TNC: variants seen among roughly 807,000 people sequenced by gnomAD.
TNC encodes tenascin.
A neutral mutation model predicts 202.4 loss-of-function variants in TNC; 109 were observed. The observed-to-expected ratio is 0.54, with a 90% CI of 0.46 to 0.63. The LOEUF (loss-of-function observed/expected upper bound fraction) is 0.63, where lower values mean the gene tolerates loss of function less well. Ranked by LOEUF, TNC falls within the 30% of genes least tolerant of loss-of-function variation. The pLI is 0.00. For missense variants in TNC, 2,756 were observed against 2,833.3 expected, an observed-to-expected ratio of 0.97 and a Z score of 0.62; for synonymous variants, 1,007 against 1,089.7, an observed-to-expected ratio of 0.92 and a Z score of 1.50.
chr9:115,025,475 C>A (rs1360054379), intron 26 of TNC, among the ~76,000 whole-genome samples: 3 of 152,162 alleles, frequency 2.0e-5, no homozygotes, highest in Non-Finnish European at 4.4e-5. Flanking sequence ...AAGCTTCTAT[C>A]TCTTCTGCTC....
intron 1 of TNC, among the ~76,000 whole-genome samples, chr9:115,095,660 GTATATATATATGTATATATATGTA>G (rs1835722345): frequency 3.0e-4 from 7 of 23,366 alleles, no homozygotes; most frequent in African/African-American, 8.9e-4. Context: ...GTATATATAT[GTATATATATATGTATATATATGTA>G]TATATATATG....
intron 15 of TNC, among the ~76,000 whole-genome samples, chr9:115,051,656 A>G (rs1344393292): frequency 1.3e-5 from 2 of 151,358 alleles, no homozygotes; most frequent in Non-Finnish European, 2.9e-5. Context: ...CAGTTTTAAG[A>G]ATAATTATTT....
At chr9:115,047,332 C>T (rs985192439) in intron 16 of TNC, among the ~76,000 whole-genome samples, 1 of 148,146 alleles carries the variant, frequency 6.8e-6, no homozygotes, top group African/African-American at 2.5e-5. Flanking sequence ...ACCTTTTGTG[C>T]TACATACTGT....
chr9:115,087,693 C>CTTTTCT (rs1432437779), intron 2 of TNC, among the ~76,000 whole-genome samples: 6 of 49,158 alleles, frequency 1.2e-4, no homozygotes, highest in Non-Finnish European at 1.3e-4. Flanking sequence ...CTATTTCTTT[C>CTTTTCT]TTTTCTTTTT....
At chr9:115,072,008 A>T (rs1023653782) in intron 10 of TNC, among the ~76,000 whole-genome samples, 36 of 152,210 alleles carry the variant, frequency 2.4e-4, no homozygotes, top group Admixed American at 1.8e-3. Context: ...GACCACGTAA[A>T]CTCATTTCAG....
chr9:115,029,590 C>A, intron 24 of TNC, 134 bp from the exon 25 acceptor site: 2 of 859,104 alleles, frequency 2.3e-6, no homozygotes, highest in Non-Finnish European at 1.8e-6. Flanking sequence ...TGCTATGTAA[C>A]TTTGGGTGGT....
intron 22 of TNC, among the ~76,000 whole-genome samples, chr9:115,032,199 A>G (rs1186940920): frequency 6.6e-6 from 1 of 152,228 alleles, no homozygotes; most frequent in Non-Finnish European, 1.5e-5. Flanking sequence ...ATGAAATAAT[A>G]TAAGGAGGCA....
rs144406273 is a variant in TNC, at chr9:115,086,113, C to G, written c.1618G>C (p.Gly540Arg). The G allele has an allele frequency of 1.4e-4, 231 of 1,613,654 alleles. No homozygotes were observed. Among genetic ancestry groups the G allele is most frequent in the Non-Finnish European group, 1.9e-4 (228 of 1,179,756 alleles). ...LSCPNDCHGQ[G>R]RCVNGQCVCH... Reference sequence around the variant, plus strand: ...ACGCACTGCCCATTCACACAGCGACCCTGGCCATGGCAGTCATTTGGACAG... The same window carrying G: ...ACGCACTGCCCATTCACACAGCGACGCTGGCCATGGCAGTCATTTGGACAG... Residue 540 changes from glycine (G) to arginine (R), a missense_variant, in exon 3 of 28, where the codon GGT (glycine) becomes CGT (arginine). Around this residue, in one of 2 missense-constraint regions of TNC, gnomAD observed 2,559 missense variants for 2,546.0 expected, o/e 1.01. Transcript: ENST00000350763.
intron 17 of TNC, among the ~76,000 whole-genome samples, chr9:115,044,262 T>TAA (rs3838332): frequency 1.2e-4 from 17 of 142,744 alleles, no homozygotes; most frequent in Admixed American, 6.3e-4. Context: ...GAGAAAGGAT[T>TAA]AAAAAAAAAA....
chr9:115,089,058 T>A (rs1438801755), intron 2 of TNC, among the ~76,000 whole-genome samples: 2 of 152,220 alleles, frequency 1.3e-5, no homozygotes, highest in African/African-American at 4.8e-5. Flanking sequence ...CTCTAAACAA[T>A]CATTTTAACT....
chr9:115,113,267 T>C (rs986106418), intron 1 of TNC, among the ~76,000 whole-genome samples: 6 of 152,196 alleles, frequency 3.9e-5, no homozygotes, highest in African/African-American at 1.4e-4. Context: ...GAAATGGTTA[T>C]AACTAGCCTC....
intron 1 of TNC, among the ~76,000 whole-genome samples, chr9:115,105,242 G>A (rs1374778191): frequency 6.6e-6 from 1 of 152,196 alleles, no homozygotes; most frequent in Non-Finnish European, 1.5e-5. Flanking sequence ...ATTAATTTGT[G>A]TGACCTCAGG....
In TNC at chr9:115,081,773, T is replaced by A; in HGVS notation, c.2403A>T (p.Thr801=). The change falls in exon 6 of 28, where the codon ACA becomes ACT. Residue 801 remains threonine (T), a splice_region_variant and synonymous_variant. Transcript: ENST00000350763. ...ATAAGTATTAAAGGTGATACTCACG[T>A]GTGGTGGTCACCCTCTTCAGGCCAG... ...RGPGLKRVTT[T]RLDAPSQIEV... is the part of the protein sequence containing the mutation. 1 of 1,613,970 alleles carries A rather than the reference T, an allele frequency of 6.2e-7. No individual in the cohort carries two copies. Among genetic ancestry groups the A allele is most frequent in the Non-Finnish European group, 8.5e-7 (1 of 1,179,926 alleles).
chr9:115,091,599 G>T (rs1002357135), intron 1 of TNC, among the ~76,000 whole-genome samples: 2 of 152,152 alleles, frequency 1.3e-5, no homozygotes, highest in Non-Finnish European at 2.9e-5. Flanking sequence ...TCTTCTGAGT[G>T]AATTATTATA....
intron 15 of TNC, among the ~76,000 whole-genome samples, chr9:115,054,896 T>C (rs1410222339): frequency 6.6e-6 from 1 of 152,202 alleles, no homozygotes; most frequent in Non-Finnish European, 1.5e-5. Flanking sequence ...CTTGACAAAG[T>C]ACATGTCAAA....
chr9:115,101,121 G>C (rs1381568315), intron 1 of TNC, among the ~76,000 whole-genome samples: 3 of 152,102 alleles, frequency 2.0e-5, no homozygotes, highest in Non-Finnish European at 2.9e-5. Flanking sequence ...GCCAAGCCCT[G>C]AGTTAAGTAT....
At chr9:115,116,960 T>G (rs996804639) in intron 1 of TNC, among the ~76,000 whole-genome samples, 6 of 152,182 alleles carry the variant, frequency 3.9e-5, no homozygotes, top group Non-Finnish European at 7.3e-5. Flanking sequence ...TCCAGAGTGA[T>G]GGCAGTTTTT....
chr9:115,030,520 G>A (rs761855659), intron 23 of TNC, 115 bp from the exon 24 acceptor site: 49 of 1,205,044 alleles, frequency 4.1e-5, no homozygotes, highest in South Asian at 5.4e-5. Context: ...GTGCAATAAT[G>A]TGATGCAAAC....
chr9:115,068,593 A>C (rs574214867), intron 10 of TNC, among the ~76,000 whole-genome samples: 5 of 152,230 alleles, frequency 3.3e-5, no homozygotes, highest in African/African-American at 1.2e-4. Context: ...CTGCCTTAAA[A>C]CATTCGGTGA....
Sources: gnomAD v4.1 joint callset for allele counts (sites outside exome capture counted in the v4.1 genomes callset) on GRCh38, gnomAD v4.1.1 for gene constraint, gnomAD v4.1.1 regional missense constraint, MANE v1.5 for transcripts, NCBI Gene and HGNC (gene_info 2026-07-23, HGNC 2026-07-21) for gene names.